Variants in PDE3B observed in about 807,000 individuals in gnomAD.
The protein encoded by PDE3B is cGMP-inhibited 3',5'-cyclic phosphodiesterase 3B.
In PDE3B, 66 loss-of-function variants were observed where a neutral mutation model predicts 116.8. That is an observed-to-expected ratio of 0.56 (90% CI 0.46 to 0.69). The LOEUF (loss-of-function observed/expected upper bound fraction) is 0.69, where lower values mean the gene tolerates loss of function less well. PDE3B is among the 30% of genes least tolerant of loss of function. PDE3B has a pLI of 0.00. For synonymous variants in PDE3B, 595 were observed against 533.6 expected (o/e 1.12, Z -1.59); for missense variants, 1,384 against 1,368.1 (o/e 1.01, Z -0.18).
rs1433572113 is a variant in PDE3B at position 14,871,658 on chromosome 11, TTAC to T, written c.*2003_*2005del. ...TTATTGGATTTAATTATAAATCCAA[TTAC>T]TACTGGAAACTCATTTTTACATAAT... On this transcript the variant is annotated 3_prime_UTR_variant, in exon 16 of 16. Transcript: ENST00000282096. The T allele has an allele frequency of 2.0e-5, 3 of 152,156 alleles. No individual in the cohort carries two copies. The highest frequency in any genetic ancestry group is 7.2e-5 in the African/African-American group (3 of 41,442). 9.4% of individuals were successfully genotyped at this position (152,156 alleles called of 1,614,324 possible).
In PDE3B at chr11:14,663,916, C is replaced by G. The variant is rs564003777; in HGVS notation, c.978+18863C>G. The stretch of plus-strand genomic sequence containing the variant: ...GAACTCATCTCTGCACCAAGCGGAC[C>G]TAATAGACATCTACAGAACTCTCCA... On this transcript the variant is annotated intron_variant, in intron 1 of 15. Transcript: ENST00000282096. Among the ~76,000 whole-genome samples, 46 of 152,250 alleles carry G rather than the reference C, an allele frequency of 3.0e-4. No individual in the cohort carries two copies. The South Asian group carries it at 4.1e-3, about 14-fold the overall frequency.
chr11:14,847,976 C>G (rs1471109744), intron 12 of PDE3B, among the ~76,000 whole-genome samples: 1 of 151,566 alleles, frequency 6.6e-6, no homozygotes, highest in African/African-American at 2.4e-5. Flanking sequence ...GATTCCTCCC[C>G]AACTCATTTT....
At chr11:14,737,184 C>G (rs904711584) in intron 1 of PDE3B, among the ~76,000 whole-genome samples, 2 of 143,372 alleles carry the variant, frequency 1.4e-5, no homozygotes, top group African/African-American at 5.2e-5. Context: ...AGAGAGAGAC[C>G]AACAGGCTGC....
At chr11:14,881,984 C>T in the PDE3B span, among the ~76,000 whole-genome samples, 1 of 152,086 alleles carries the variant, frequency 6.6e-6, no homozygotes, top group Non-Finnish European at 1.5e-5. Context: ...AATTTACATT[C>T]CAACAACTTA....
intron 1 of PDE3B, among the ~76,000 whole-genome samples, chr11:14,722,545 A>G (rs1248164242): frequency 5.9e-5 from 9 of 152,236 alleles, no homozygotes; most frequent in Non-Finnish European, 4.4e-5. Context: ...GGCATCGTTT[A>G]ATAGCAATTT....
At chr11:14,746,909 A>G (rs1425433887) in intron 1 of PDE3B, among the ~76,000 whole-genome samples, 2 of 152,196 alleles carry the variant, frequency 1.3e-5, no homozygotes, top group Non-Finnish European at 2.9e-5. Flanking sequence ...TTGCATCACT[A>G]TAAAGGAATA....
intron 1 of PDE3B, among the ~76,000 whole-genome samples, chr11:14,659,552 G>T (rs902853328): frequency 1.3e-5 from 2 of 152,166 alleles, no homozygotes; most frequent in African/African-American, 2.4e-5. Context: ...GTGCAGGTTT[G>T]TAAAGGTAAA....
chr11:14,674,289 C>T (rs1433690257), intron 1 of PDE3B: 14 of 1,068,798 alleles, frequency 1.3e-5, no homozygotes, highest in Non-Finnish European at 1.9e-5. Flanking sequence ...CAGCCCCTAT[C>T]GTCTTCCCCT....
At chr11:14,779,471 C>T (rs568232965) in intron 2 of PDE3B, among the ~76,000 whole-genome samples, 19 of 152,300 alleles carry the variant, frequency 1.2e-4, no homozygotes, top group Admixed American at 1.0e-3. Context: ...GCGGATCTCT[C>T]GGCAGAAACT....
chr11:14,749,720 A>G (rs937306536), intron 1 of PDE3B, among the ~76,000 whole-genome samples: 5 of 151,352 alleles, frequency 3.3e-5, no homozygotes, highest in Non-Finnish European at 7.4e-5. Context: ...TAGGAGCAGA[A>G]TCCATGAATA....
intron 1 of PDE3B, among the ~76,000 whole-genome samples, chr11:14,685,884 T>C (rs1854859969): frequency 6.6e-6 from 1 of 152,198 alleles, no homozygotes; most frequent in African/African-American, 2.4e-5. Flanking sequence ...TCATTGGTCA[T>C]GGAGTTTTGG....
rs188199875 is a variant in PDE3B, at chr11:14,781,531, A to T, written c.1030-4906A>T. On this transcript the variant is annotated intron_variant, in intron 2 of 15. Coordinates refer to ENST00000282096, the MANE Select transcript of PDE3B (RefSeq NM_000922.4). Reference sequence around the variant, plus strand: ...ATACACAAATCAATAAATGTAATCCATGATATAAAGAGAACCAAAGACAAA... The same window carrying T: ...ATACACAAATCAATAAATGTAATCCTTGATATAAAGAGAACCAAAGACAAA... 2.4e-3 allele frequency among the ~76,000 whole-genome samples: 359 copies of T among 152,352 alleles called. 1 individual carries two copies. The highest frequency in any genetic ancestry group is 8.1e-3 in the African/African-American group (337 of 41,572).
the PDE3B span, among the ~76,000 whole-genome samples, chr11:14,897,517 A>G: frequency 6.6e-6 from 1 of 152,336 alleles, no homozygotes; most frequent in Non-Finnish European, 1.5e-5. Context: ...CACCTCTCAG[A>G]GTGAACAACC....
At chr11:14,781,466 T>G (rs1857997137) in intron 2 of PDE3B, among the ~76,000 whole-genome samples, 1 of 152,292 alleles carries the variant, frequency 6.6e-6, no homozygotes, top group Non-Finnish European at 1.5e-5. Flanking sequence ...TCCACCATGA[T>G]CAAGTGCGCT....
chr11:14,880,135 C>G, the PDE3B span: 3 of 1,612,318 alleles, frequency 1.9e-6, no homozygotes, highest in Non-Finnish European at 2.5e-6. Context: ...AGAATCCTCA[C>G]CTTGAATATT....
At chr11:14,683,805 CTTCT>C (rs562306522) in intron 1 of PDE3B, among the ~76,000 whole-genome samples, 74 of 152,158 alleles carry the variant, frequency 4.9e-4, no homozygotes, top group African/African-American at 1.6e-3. Context: ...TAAGCATTAG[CTTCT>C]TTGAGTTTCC....
intron 1 of PDE3B, among the ~76,000 whole-genome samples, chr11:14,762,826 AG>A (rs1565126091): frequency 6.6e-6 from 1 of 152,192 alleles, no homozygotes; most frequent in African/African-American, 2.4e-5. Context: ...TGTGAGAAAG[AG>A]GGGAGTTATA....
At chr11:14,673,346 ACT>A (rs1285689390) in intron 1 of PDE3B, among the ~76,000 whole-genome samples, 9 of 151,672 alleles carry the variant, frequency 5.9e-5, no homozygotes, top group African/African-American at 2.2e-4. Context: ...GCAGTAAAAC[ACT>A]CTACAGCATA....
intron 7 of PDE3B, among the ~76,000 whole-genome samples, chr11:14,822,072 A>C (rs1264368804): frequency 6.6e-6 from 1 of 152,050 alleles, no homozygotes; most frequent in East Asian, 1.9e-4. Context: ...CTAATTAAAA[A>C]AATTTTTTTT....
Sources: gnomAD v4.1 joint callset for allele counts (sites outside exome capture counted in the v4.1 genomes callset) on GRCh38, gnomAD v4.1.1 for gene constraint, MANE v1.5 for transcripts, NCBI Gene and HGNC (gene_info 2026-07-23, HGNC 2026-07-21) for gene names.